Variants in TRHDE observed in about 807,000 individuals in gnomAD.
TRHDE encodes the protein thyrotropin-releasing hormone-degrading ectoenzyme.
Under a neutral mutation model 125.7 loss-of-function variants are expected in TRHDE, and 72 were observed. The observed-to-expected ratio is 0.57, with a 90% CI of 0.47 to 0.70. The LOEUF (loss-of-function observed/expected upper bound fraction) is 0.70. Ranked by LOEUF, TRHDE falls within the 30% of genes least tolerant of loss-of-function variation. TRHDE has a pLI of 0.00. For synonymous variants in TRHDE, 509 were observed against 509.1 expected (o/e 1.00, Z 0.00); for missense variants, 1,110 against 1,327.1 (o/e 0.84, Z 2.54).
At chr12:72,204,698 G>T (rs2139357229) in intron 2 of TRHDE, among the ~76,000 whole-genome samples, 1 of 152,092 alleles carries the variant, frequency 6.6e-6, no homozygotes, top group South Asian at 2.1e-4. Flanking sequence ...AATAAGATTG[G>T]GTCTTTAAGG....
intron 6 of TRHDE, among the ~76,000 whole-genome samples, chr12:72,534,679 A>C (rs1021687625): frequency 6.6e-6 from 1 of 152,092 alleles, no homozygotes; most frequent in African/African-American, 2.4e-5. Flanking sequence ...GAATAATTTA[A>C]ATTAATTCTA....
intron 3 of TRHDE, among the ~76,000 whole-genome samples, chr12:72,447,365 C>T (rs987011094): frequency 2.0e-5 from 3 of 152,108 alleles, no homozygotes; most frequent in African/African-American, 7.2e-5. Flanking sequence ...ACATTTACAG[C>T]AGTGTGTAGA....
chr12:72,381,717 A>G (rs1872194431), intron 3 of TRHDE, among the ~76,000 whole-genome samples: 1 of 152,202 alleles, frequency 6.6e-6, no homozygotes, highest in African/African-American at 2.4e-5. Context: ...ATAGTGAACG[A>G]AATATGTGAT....
chr12:72,151,408 C>A (rs952196975), intron 2 of TRHDE, among the ~76,000 whole-genome samples: 1 of 152,156 alleles, frequency 6.6e-6, no homozygotes, highest in Admixed American at 6.5e-5. Context: ...AATTAGATCC[C>A]ATTTGTCAAT....
intron 17 of TRHDE, among the ~76,000 whole-genome samples, chr12:72,656,221 G>T (rs1284854811): frequency 6.6e-6 from 1 of 152,064 alleles, no homozygotes; most frequent in East Asian, 1.9e-4. Context: ...TCAAGTAATT[G>T]TGTCTGTAGT....
intron 2 of TRHDE, among the ~76,000 whole-genome samples, chr12:72,304,927 G>A (rs956877813): frequency 4.6e-5 from 7 of 152,106 alleles, no homozygotes; most frequent in Admixed American, 3.3e-4. Context: ...TAGGGTTATA[G>A]GTTGTAGATA....
chr12:72,103,863 G>T (rs968304674), intron 1 of TRHDE, among the ~76,000 whole-genome samples: 4 of 152,068 alleles, frequency 2.6e-5, no homozygotes, highest in African/African-American at 9.7e-5. Context: ...ATACTGAGCC[G>T]CTCCTGTGTC....
At chr12:72,124,457 C>A (rs1875665991) in intron 2 of TRHDE, among the ~76,000 whole-genome samples, 1 of 152,158 alleles carries the variant, frequency 6.6e-6, no homozygotes, top group African/African-American at 2.4e-5. Flanking sequence ...GAGCTGGGAA[C>A]AACAGATTGG....
At chr12:72,478,281 A>G (rs146235289) in intron 5 of TRHDE, among the ~76,000 whole-genome samples, 22 of 152,262 alleles carry the variant, frequency 1.4e-4, no homozygotes, top group Middle Eastern at 3.4e-3. Context: ...TAAAAGTGAC[A>G]TTTACATTGA....
chr12:72,315,808 G>C (rs941563371), intron 2 of TRHDE, among the ~76,000 whole-genome samples: 1 of 152,206 alleles, frequency 6.6e-6, no homozygotes, highest in Admixed American at 6.5e-5. Context: ...TGGGAAAGGA[G>C]AGCTGGCAAT....
At chr12:72,180,180 TA>T (rs1392702694) in intron 2 of TRHDE, among the ~76,000 whole-genome samples, 2 of 151,862 alleles carry the variant, frequency 1.3e-5, no homozygotes, top group South Asian at 2.1e-4. Context: ...TGCTTTTTTT[TA>T]AAAAAAAGTT....
chr12:72,195,572 T>C (rs1266866345), intron 2 of TRHDE, among the ~76,000 whole-genome samples: 1 of 152,180 alleles, frequency 6.6e-6, no homozygotes, highest in Non-Finnish European at 1.5e-5. Flanking sequence ...TTCATGTCTT[T>C]TGACCATTTT....
chr12:72,370,683 T>C (rs181242777), intron 2 of TRHDE, among the ~76,000 whole-genome samples: 3 of 152,262 alleles, frequency 2.0e-5, no homozygotes, highest in Admixed American at 1.3e-4. Context: ...ACTAATTTTA[T>C]CATGTTCTGG....
chr12:72,542,209 A>G, intron 6 of TRHDE, 82 bp from the exon 7 acceptor site: 2 of 958,348 alleles, frequency 2.1e-6, no homozygotes, highest in Non-Finnish European at 3.1e-6. Context: ...GCATGAATGA[A>G]GTAGACTAGA....
At chr12:72,483,950 G>T (rs675610) in intron 5 of TRHDE, among the ~76,000 whole-genome samples, 48,270 of 151,734 alleles carry the variant, frequency 0.32, 8,276 homozygotes, top group East Asian at 0.5. Flanking sequence ...AAGATCAGTT[G>T]TATGGCTATT....
intron 12 of TRHDE, among the ~76,000 whole-genome samples, chr12:72,579,103 C>T (rs1348173010): frequency 6.6e-6 from 1 of 151,200 alleles, no homozygotes; most frequent in Non-Finnish European, 1.5e-5. Context: ...AATGAGTGTC[C>T]ATGAGGAGTC....
intron 2 of TRHDE, among the ~76,000 whole-genome samples, chr12:72,299,322 A>G (rs1880419051): frequency 6.6e-6 from 1 of 152,186 alleles, no homozygotes; most frequent in African/African-American, 2.4e-5. Context: ...AATCACTACC[A>G]TCTACTAATG....
chr12:72,652,293 C>T (rs1592597463), intron 15 of TRHDE, 29 bp from the exon 16 acceptor site: 1 of 1,379,086 alleles, frequency 7.3e-7, no homozygotes, highest in Admixed American at 2.8e-5. Context: ...TTTTAATTAA[C>T]AGAAAACCAC....
rs1875974508 is a variant in TRHDE at position 72,458,511 on chromosome 12, T to C, written c.1316-11247T>C. 2.0e-5 allele frequency among the ~76,000 whole-genome samples: 3 copies of C among 152,220 alleles called. No homozygotes were observed. In the Middle Eastern group the frequency reaches 0.01, roughly 518 times the overall value. On this transcript the variant is annotated intron_variant, in intron 3 of 18. Transcript: ENST00000261180. ...TCTTAGCCCTCTTCTCTACTCAGCA[T>C]TGGTCATGGTCTCCTCCCATCTATG...
Sources: allele counts gnomAD v4.1 joint callset (sites outside exome capture counted in the v4.1 genomes callset), GRCh38; gene constraint gnomAD v4.1.1; transcripts MANE v1.5; gene names NCBI Gene and HGNC (gene_info 2026-07-23, HGNC 2026-07-21).